Variants in MEI4 observed in about 807,000 individuals in gnomAD.
The protein encoded by MEI4 is meiosis-specific protein MEI4.
A neutral mutation model predicts 31.4 loss-of-function variants in MEI4; 27 were observed. That is an observed-to-expected ratio of 0.86 (90% CI 0.63 to 1.19). The LOEUF is 1.19. MEI4 is among the 50% of genes most tolerant of loss of function. The probability of loss-of-function intolerance (pLI) is 0.00; values close to 1 mark genes in which losing one functional copy is unlikely to be tolerated. For missense variants in MEI4, 329 were observed against 398.9 expected (o/e 0.82, Z 1.49); for synonymous variants, 122 against 145.4 (o/e 0.84, Z 1.16).
intron 4 of MEI4, among the ~76,000 whole-genome samples, chr6:77,844,822 C>T (rs1337301426): frequency 6.6e-6 from 1 of 152,148 alleles, no homozygotes; most frequent in Middle Eastern, 3.4e-3. Context: ...CTTCACATCC[C>T]TCTCCTCCCA....
At chr6:77,697,323 TG>T (rs1766076667) in intron 2 of MEI4, among the ~76,000 whole-genome samples, 1 of 152,196 alleles carries the variant, frequency 6.6e-6, no homozygotes, top group African/African-American at 2.4e-5. Flanking sequence ...TGAATGTGTT[TG>T]CTCTTGCTTT....
At chr6:77,905,922 G>A (rs528672577) in intron 4 of MEI4, among the ~76,000 whole-genome samples, 28 of 149,394 alleles carry the variant, frequency 1.9e-4, no homozygotes, top group African/African-American at 5.4e-4. Flanking sequence ...TCTCTTCTTC[G>A]CATATTTTCA....
intron 3 of MEI4, among the ~76,000 whole-genome samples, chr6:77,808,922 G>C (rs1043925842): frequency 6.6e-6 from 1 of 152,150 alleles, no homozygotes; most frequent in Non-Finnish European, 1.5e-5. Flanking sequence ...ATTCTGGAAT[G>C]TGGGCCATTC....
chr6:77,905,433 TCAGAAA>T (rs1455221548), intron 4 of MEI4, among the ~76,000 whole-genome samples: 1 of 149,582 alleles, frequency 6.7e-6, no homozygotes, highest in African/African-American at 2.4e-5. Context: ...CATTTATATA[TCAGAAA>T]ATTTATATCT....
intron 4 of MEI4, among the ~76,000 whole-genome samples, chr6:77,920,948 T>C (rs1374030670): frequency 6.6e-6 from 1 of 151,904 alleles, no homozygotes. Context: ...AGATTTAGCA[T>C]AATAAATACT....
At chr6:77,727,206 A>G (rs1766849332) in intron 2 of MEI4, among the ~76,000 whole-genome samples, 1 of 152,204 alleles carries the variant, frequency 6.6e-6, no homozygotes, top group Admixed American at 6.5e-5. Flanking sequence ...ATTTATGGGT[A>G]TTCCTGGCAC....
chr6:77,767,691 T>C (rs1261683915), intron 3 of MEI4, among the ~76,000 whole-genome samples: 1 of 112,658 alleles, frequency 8.9e-6, no homozygotes, highest in East Asian at 3.6e-4. Context: ...AGCAGGAAAC[T>C]GTCACACACA....
At chr6:77,699,444 G>A (rs1164083406) in intron 2 of MEI4, among the ~76,000 whole-genome samples, 6 of 151,994 alleles carry the variant, frequency 3.9e-5, no homozygotes, top group Middle Eastern at 3.4e-3. Flanking sequence ...CGCCCGCCTC[G>A]GCCTCCCAAA....
intron 4 of MEI4, among the ~76,000 whole-genome samples, chr6:77,887,799 G>T (rs746391798): frequency 1.3e-5 from 2 of 152,096 alleles, no homozygotes; most frequent in Non-Finnish European, 2.9e-5. Flanking sequence ...TTCATTTGGT[G>T]TATTGCTCAG....
chr6:77,744,854 A>G (rs1361078392), intron 2 of MEI4, among the ~76,000 whole-genome samples: 1 of 152,238 alleles, frequency 6.6e-6, no homozygotes, highest in Non-Finnish European at 1.5e-5. Flanking sequence ...CCAGAATTTC[A>G]TATCCAGCCA....
chr6:77,784,590 T>A (rs970940153), intron 3 of MEI4, among the ~76,000 whole-genome samples: 1 of 152,142 alleles, frequency 6.6e-6, no homozygotes, highest in Non-Finnish European at 1.5e-5. Flanking sequence ...AAACTGTACA[T>A]CCTTAGGTGC....
intron 2 of MEI4, among the ~76,000 whole-genome samples, chr6:77,746,004 C>T (rs898697608): frequency 1.1e-4 from 16 of 151,872 alleles, no homozygotes; most frequent in Non-Finnish European, 1.3e-4. Flanking sequence ...ACTAAATGCC[C>T]ACAAGAGAAA....
At chr6:77,752,631 T>A (rs1037766642) in intron 2 of MEI4, among the ~76,000 whole-genome samples, 3 of 152,068 alleles carry the variant, frequency 2.0e-5, no homozygotes, top group African/African-American at 7.2e-5. Context: ...ATAGAAAAAC[T>A]TTCCATGCTC....
chr6:77,882,797 T>C (rs570167589), intron 4 of MEI4, among the ~76,000 whole-genome samples: 3 of 152,338 alleles, frequency 2.0e-5, no homozygotes. Context: ...TTAATGTCAT[T>C]TTTATATCAA....
chr6:77,794,409 A>C (rs966278032), intron 3 of MEI4, among the ~76,000 whole-genome samples: 11 of 152,068 alleles, frequency 7.2e-5, no homozygotes, highest in African/African-American at 2.7e-4. Flanking sequence ...TAAAAATACA[A>C]AATATTAGCC....
At position 77,738,068 on chromosome 6, in the gene MEI4, C is replaced by T. The variant is rs1561966824; in HGVS notation, c.233-23062C>T. On this transcript the variant is annotated intron_variant, in intron 2 of 4. Transcript: ENST00000684080. Reference sequence around the variant, plus strand: ...GCAGTGAGAAAGATGGGGACATCCACGAAACTGGAATGAGGGGTTGTATCA... The same window carrying T: ...GCAGTGAGAAAGATGGGGACATCCATGAAACTGGAATGAGGGGTTGTATCA... Among the ~76,000 whole-genome samples, 4 of 152,118 alleles carry T rather than the reference C, an allele frequency of 2.6e-5. No individual in the cohort carries two copies. The South Asian group carries it at 6.2e-4, about 24-fold the overall frequency.
intron 2 of MEI4, among the ~76,000 whole-genome samples, chr6:77,697,770 A>T (rs1252119263): frequency 1.3e-5 from 2 of 152,210 alleles, no homozygotes; most frequent in Admixed American, 6.5e-5. Flanking sequence ...AGTTCTGTAG[A>T]TGTCTATTAG....
intron 2 of MEI4, among the ~76,000 whole-genome samples, chr6:77,733,425 G>A (rs4706654): frequency 0.21 from 31,335 of 151,886 alleles, 3,700 homozygotes; most frequent in African/African-American, 0.31. Flanking sequence ...AGAGGTGTTC[G>A]TAGTATTCTC....
chr6:77,799,668 G>C (rs1053619394), intron 3 of MEI4, among the ~76,000 whole-genome samples: 4 of 152,054 alleles, frequency 2.6e-5, no homozygotes, highest in African/African-American at 9.7e-5. Flanking sequence ...ATTAATTTTT[G>C]TATAAGGTGT....
Sources: allele counts gnomAD v4.1 joint callset (sites outside exome capture counted in the v4.1 genomes callset), GRCh38; gene constraint gnomAD v4.1.1; transcripts MANE v1.5; gene names NCBI Gene and HGNC (gene_info 2026-07-23, HGNC 2026-07-21).